Variants in ULK4 observed in about 807,000 individuals in gnomAD.
ULK4 encodes the protein inactive serine/threonine-protein kinase ULK4.
A neutral mutation model predicts 160.6 loss-of-function variants in ULK4; 133 were observed. The ratio of observed to expected loss-of-function variants is 0.83; its 90% confidence interval spans 0.72 to 0.96. The LOEUF is 0.96. ULK4 is among the 40% of genes least tolerant of loss of function. The pLI, the probability that ULK4 is intolerant of heterozygous loss-of-function variation, is 0.00. For synonymous variants in ULK4, 534 were observed against 539.8 expected (o/e 0.99, Z 0.15); for missense variants, 1,580 against 1,499.5 (o/e 1.05, Z -0.89).
chr3:41,953,304 ATTTTT>A (rs60007502), intron 2 of ULK4, among the ~76,000 whole-genome samples: 1 of 124,816 alleles, frequency 8.0e-6, no homozygotes, highest in African/African-American at 3.1e-5. Context: ...ATATATATAT[ATTTTT>A]TTTTTTTTTT....
rs1253224555 is a variant in ULK4 at position 41,306,326 on chromosome 3, C to G, written c.3679-56752G>C. Among the ~76,000 whole-genome samples the G allele has an allele frequency of 1.0e-3, 132 of 126,098 alleles. 5 individuals carry two copies. Among genetic ancestry groups the G allele is most frequent in the African/African-American group, 4.9e-3 (119 of 24,466 alleles). 82.7% of individuals were successfully genotyped at this position (126,098 alleles called of 152,430 possible). On this transcript the variant is annotated intron_variant, in intron 35 of 36. Transcript: ENST00000301831. ...TGAGGAGCCCCTCTGCCCCGCCAGC[C>G]GCCCCATCCGGGAGGGAGGTGGGGG...
chr3:41,312,717 A>G (rs1446949675), intron 35 of ULK4, among the ~76,000 whole-genome samples: 3 of 152,302 alleles, frequency 2.0e-5, no homozygotes, highest in South Asian at 4.1e-4. Context: ...CTGAGGTGGA[A>G]GGATTACTTG....
chr3:41,658,139 A>C (rs1444030729), intron 30 of ULK4, among the ~76,000 whole-genome samples: 1 of 152,224 alleles, frequency 6.6e-6, no homozygotes, highest in African/African-American at 2.4e-5. Flanking sequence ...TAATTTGATA[A>C]AGGTTTTGAA....
chr3:41,880,720 TCAAGAC>T (rs1170083437), intron 17 of ULK4, among the ~76,000 whole-genome samples: 11 of 152,110 alleles, frequency 7.2e-5, no homozygotes, highest in Admixed American at 7.2e-4. Context: ...GGCCAGGAGT[TCAAGAC>T]CAGCCTGACC....
In ULK4 at chr3:41,446,644, G is replaced by A. The variant is rs113389432; in HGVS notation, c.3492+8853C>T. On this transcript the variant is annotated intron_variant, in intron 34 of 36. Transcript: ENST00000301831. Reference sequence around the variant, plus strand: ...CGCAGGGACAAAAAAAACAAACACCGCAAGTTCTCACTGATGGGTGTGAAT... The same window carrying A: ...CGCAGGGACAAAAAAAACAAACACCACAAGTTCTCACTGATGGGTGTGAAT... Among the ~76,000 whole-genome samples the A allele has an allele frequency of 6.3e-3, 918 of 145,476 alleles. 10 individuals are homozygous for A. Among genetic ancestry groups the A allele is most frequent in the African/African-American group, 0.02 (793 of 39,344 alleles).
intron 35 of ULK4, among the ~76,000 whole-genome samples, chr3:41,302,191 G>A (rs2079814283): frequency 6.6e-6 from 1 of 152,256 alleles, no homozygotes; most frequent in African/African-American, 2.4e-5. Context: ...AAATATAAAT[G>A]AGCAAATGTT....
At chr3:41,438,751 C>A (rs1256860557) in intron 34 of ULK4, among the ~76,000 whole-genome samples, 1 of 152,002 alleles carries the variant, frequency 6.6e-6, no homozygotes, top group Non-Finnish European at 1.5e-5. Flanking sequence ...CACTTGAGCT[C>A]AGGAGTTCGA....
At chr3:41,879,473 A>G (rs867694482) in intron 17 of ULK4, among the ~76,000 whole-genome samples, 3 of 152,096 alleles carry the variant, frequency 2.0e-5, no homozygotes, top group African/African-American at 4.8e-5. Context: ...CTCTACTTCT[A>G]TATATGTTGA....
chr3:41,557,294 G>A (rs2087335174), intron 32 of ULK4, among the ~76,000 whole-genome samples: 1 of 151,076 alleles, frequency 6.6e-6, no homozygotes, highest in South Asian at 2.1e-4. Context: ...CTTGTAAATA[G>A]ACCAGAGGGG....
At chr3:41,880,854 C>T (rs1004805115) in intron 17 of ULK4, among the ~76,000 whole-genome samples, 17 of 151,992 alleles carry the variant, frequency 1.1e-4, no homozygotes, top group Non-Finnish European at 2.1e-4. Context: ...ACCCGGGAGG[C>T]AGAGGTTACA....
rs189249247 is a variant in ULK4, at chr3:41,685,519, G to T, written c.2782-3715C>A. On this transcript the variant is annotated intron_variant, in intron 27 of 36. Coordinates refer to ENST00000301831, the MANE Select transcript of ULK4 (RefSeq NM_017886.4). ...ATGCCTTTTACTTAAGGCATTCCAA[G>T]AACTGTCCTTAGGAGATCCAAAATA... is the stretch of plus-strand genomic sequence containing the variant. Among the ~76,000 whole-genome samples the T allele has an allele frequency of 2.6e-5, 4 of 152,230 alleles. No individual in the cohort carries two copies. In the East Asian group the frequency reaches 7.7e-4, roughly 29 times the overall value.
chr3:41,679,171 A>C (rs894070941), intron 29 of ULK4, among the ~76,000 whole-genome samples: 3 of 152,174 alleles, frequency 2.0e-5, no homozygotes, highest in African/African-American at 7.2e-5. Context: ...TTATTGCCCT[A>C]TTACAATCTT....
At chr3:41,363,345 T>C (rs1484972028) in intron 35 of ULK4, among the ~76,000 whole-genome samples, 4 of 152,226 alleles carry the variant, frequency 2.6e-5, no homozygotes, top group East Asian at 3.8e-4. Context: ...AGCAGCTCTG[T>C]TGACTGCTCT....
chr3:41,555,783 G>C (rs1366671086), intron 32 of ULK4, among the ~76,000 whole-genome samples: 1 of 152,190 alleles, frequency 6.6e-6, no homozygotes, highest in African/African-American at 2.4e-5. Context: ...GCCCATCAAT[G>C]ATAGCCTGGA....
intron 19 of ULK4, among the ~76,000 whole-genome samples, chr3:41,806,394 G>A (rs1334402458): frequency 1.3e-5 from 2 of 151,988 alleles, no homozygotes; most frequent in Non-Finnish European, 2.9e-5. Context: ...TATTAGTCTT[G>A]CTAGTGGTCT....
rs767572607 is a variant in ULK4, at chr3:41,375,496, C to A, written c.3678+22583G>T. Reference sequence around the variant, plus strand: ...CACCATGTGTCTACAACCATCTGATCTTTGACAAACCTGACAAAAACAAGC... The same window carrying A: ...CACCATGTGTCTACAACCATCTGATATTTGACAAACCTGACAAAAACAAGC... On this transcript the variant is annotated intron_variant, in intron 35 of 36. Coordinates refer to ENST00000301831, the MANE Select transcript of ULK4 (RefSeq NM_017886.4). Among the ~76,000 whole-genome samples, 27 of 150,140 alleles carry A rather than the reference C, an allele frequency of 1.8e-4. 2 individuals carry two copies. Among genetic ancestry groups the A allele is most frequent in the South Asian group, 4.3e-4 (2 of 4,608 alleles).
chr3:41,730,061 G>C (rs1050604746), intron 22 of ULK4, among the ~76,000 whole-genome samples: 18 of 152,134 alleles, frequency 1.2e-4, no homozygotes, highest in African/African-American at 4.3e-4. Context: ...GAAGGGTCAA[G>C]GAAAAATTTT....
intron 17 of ULK4, among the ~76,000 whole-genome samples, chr3:41,879,963 AAAAT>A (rs1215967141): frequency 1.3e-5 from 2 of 151,970 alleles, no homozygotes; most frequent in Non-Finnish European, 2.9e-5. Flanking sequence ...CTAAAAATAC[AAAAT>A]AAATTAGCTG....
intron 32 of ULK4, among the ~76,000 whole-genome samples, chr3:41,494,688 C>G (rs551220518): frequency 2.0e-5 from 3 of 152,270 alleles, no homozygotes; most frequent in African/African-American, 7.2e-5. Flanking sequence ...ACCCCACTGT[C>G]TCAGCCCAAA....
Sources: gnomAD v4.1 joint callset for allele counts (sites outside exome capture counted in the v4.1 genomes callset) on GRCh38, gnomAD v4.1.1 for gene constraint, MANE v1.5 for transcripts, NCBI Gene and HGNC (gene_info 2026-07-23, HGNC 2026-07-21) for gene names.